The following PDE4B variants were observed in gnomAD, a reference collection of about 807,000 sequenced individuals.
The protein encoded by PDE4B is 3',5'-cyclic-AMP phosphodiesterase 4B.
PDE4B carries 20 observed loss-of-function variants against 82.2 expected under a neutral mutation model. The observed-to-expected ratio is 0.24, with a 90% CI of 0.17 to 0.35. PDE4B has a LOEUF of 0.35. Ranked by LOEUF, PDE4B falls within the 10% of genes least tolerant of loss-of-function variation. The pLI, the probability that PDE4B is intolerant of heterozygous loss-of-function variation, is 1.00. For synonymous variants in PDE4B, 320 were observed against 318.9 expected (o/e 1.00, Z -0.04); for missense variants, 655 against 907.2 (o/e 0.72, Z 3.57).
rs1557752727 is a variant in PDE4B at position 65,798,240 on chromosome 1, T to TGAACTCCTGACC, written c.-71+4992_-71+4993insGAACTCCTGACC. 5.7e-4 allele frequency among the ~76,000 whole-genome samples: 28 copies of TGAACTCCTGACC among 49,548 alleles called. 1 individual carries two copies. Among genetic ancestry groups the TGAACTCCTGACC allele is most frequent in the East Asian group, 3.8e-3 (2 of 524 alleles). The allele number at this position is 49,548 out of a possible 152,430, so 32.5% of individuals were successfully genotyped here. A position where few individuals can be genotyped will look rare whatever the true frequency, so the allele number is the denominator to read the frequency against. On this transcript the variant is annotated intron_variant, in intron 1 of 16. Coordinates refer to ENST00000341517, the MANE Select transcript of PDE4B (RefSeq NM_002600.4). Reference sequence around the variant, plus strand: ...TTCACCATGTTGGCCAGGCTAGTCTTTTTTTTTTTTTTTTTTTTTTTTTTT... The same window carrying TGAACTCCTGACC: ...TTCACCATGTTGGCCAGGCTAGTCTTGAACTCCTGACCTTTTTTTTTTTTTTTTTTTTTTTTT...
At chr1:66,251,990 C>T (rs573291733) in intron 4 of PDE4B, among the ~76,000 whole-genome samples, 46 of 151,968 alleles carry the variant, frequency 3.0e-4, no homozygotes, top group Non-Finnish European at 6.2e-4. Flanking sequence ...AGCTTAAAGG[C>T]TAGTACTCAA....
intron 3 of PDE4B, among the ~76,000 whole-genome samples, chr1:66,220,465 G>T (rs1650886085): frequency 6.6e-6 from 1 of 152,154 alleles, no homozygotes; most frequent in Non-Finnish European, 1.5e-5. Flanking sequence ...GGCTTTTAAT[G>T]TGGATATCAA....
intron 7 of PDE4B, among the ~76,000 whole-genome samples, chr1:66,290,154 T>C (rs1052841596): frequency 3.3e-5 from 5 of 152,086 alleles, no homozygotes; most frequent in African/African-American, 1.2e-4. Context: ...GAGAAAAGAT[T>C]AGGCAGAGAG....
At chr1:65,913,485 A>T in intron 2 of PDE4B, 129 bp downstream of exon 2, 1 of 815,802 alleles carries the variant, frequency 1.2e-6, no homozygotes, top group South Asian at 1.6e-5. Context: ...TGACATGGGC[A>T]CAGCCAGCAC....
intron 3 of PDE4B, among the ~76,000 whole-genome samples, chr1:66,101,197 T>A (rs1645216807): frequency 6.6e-6 from 1 of 152,194 alleles, no homozygotes; most frequent in African/African-American, 2.4e-5. Context: ...TTCCATGGTG[T>A]ATATGTGCCA....
rs956891904 is a variant in PDE4B, at chr1:66,234,883, A to G, written c.282-12577A>G. On this transcript the variant is annotated intron_variant, in intron 3 of 16. Coordinates refer to ENST00000341517, the MANE Select transcript of PDE4B (RefSeq NM_002600.4). The stretch of plus-strand genomic sequence containing the variant: ...GGAAGTCATTTTTTCTATTTTTTTA[A>G]TAAAGGTATTTTAGAGCTGTAGATT... Among the ~76,000 whole-genome samples the G allele has an allele frequency of 2.0e-5, 3 of 151,964 alleles. No homozygotes were observed. In the South Asian group the frequency reaches 6.2e-4, roughly 32 times the overall value.
intron 3 of PDE4B, among the ~76,000 whole-genome samples, chr1:66,088,426 T>C (rs1478599484): frequency 6.6e-6 from 1 of 152,040 alleles, no homozygotes. Flanking sequence ...TTTGGGAGCA[T>C]GGGGACTAAT....
In PDE4B at chr1:66,340,275, G is replaced by A. The variant is rs1034141965; in HGVS notation, c.747+7655G>A. Among the ~76,000 whole-genome samples, 53 of 152,166 alleles carry A rather than the reference G, an allele frequency of 3.5e-4. 1 individual carries two copies. The highest frequency in any genetic ancestry group is 1.2e-3 in the African/African-American group (48 of 41,438). On this transcript the variant is annotated intron_variant, in intron 8 of 16. Transcript: ENST00000341517. ...CTTCCTTTGTTTGATTGACTTTAAA[G>A]TAGCCAAGTGCTTCCACAAAGAAAG...
chr1:66,303,251 C>A (rs1658026410), intron 7 of PDE4B, among the ~76,000 whole-genome samples: 1 of 151,950 alleles, frequency 6.6e-6, no homozygotes, highest in African/African-American at 2.4e-5. Flanking sequence ...GAATTAGAAT[C>A]TCTTCCCCTA....
chr1:66,135,367 T>C (rs900184666), intron 3 of PDE4B, among the ~76,000 whole-genome samples: 1 of 152,214 alleles, frequency 6.6e-6, no homozygotes, highest in Non-Finnish European at 1.5e-5. Context: ...TGTCAGCAGT[T>C]AATTTGAGTT....
chr1:66,120,088 AC>A (rs1159439676), intron 3 of PDE4B, among the ~76,000 whole-genome samples: 3 of 152,188 alleles, frequency 2.0e-5, no homozygotes, highest in African/African-American at 7.2e-5. Context: ...AGTTTGTAGT[AC>A]TTTTTTACAA....
At chr1:65,922,972 T>C (rs1406483018) in intron 3 of PDE4B, among the ~76,000 whole-genome samples, 2 of 152,320 alleles carry the variant, frequency 1.3e-5, no homozygotes, top group African/African-American at 2.4e-5. Flanking sequence ...TCTCCCAATA[T>C]TGACCACTGC....
chr1:65,966,953 A>G (rs529681234), intron 3 of PDE4B, among the ~76,000 whole-genome samples: 2 of 152,296 alleles, frequency 1.3e-5, no homozygotes, highest in South Asian at 4.1e-4. Flanking sequence ...AACCTAGGCA[A>G]TACCATTCAG....
chr1:65,795,628 C>T (rs1040467685), intron 1 of PDE4B, among the ~76,000 whole-genome samples: 3 of 152,340 alleles, frequency 2.0e-5, no homozygotes, highest in South Asian at 4.1e-4. Context: ...CCCTTTCCAG[C>T]GCAGCTCACA....
chr1:65,932,444 C>T (rs1185844655), intron 3 of PDE4B, among the ~76,000 whole-genome samples: 5 of 151,944 alleles, frequency 3.3e-5, no homozygotes, highest in African/African-American at 9.7e-5. Context: ...GGAGAGGCCC[C>T]GAGAATCCAT....
intron 3 of PDE4B, among the ~76,000 whole-genome samples, chr1:66,045,724 C>T (rs138701901): frequency 1.1e-3 from 169 of 150,848 alleles, no homozygotes; most frequent in African/African-American, 4.0e-3. Context: ...ATGATATAGA[C>T]GAGATTCAAT....
intron 3 of PDE4B, among the ~76,000 whole-genome samples, chr1:66,003,851 G>A (rs1163008252): frequency 1.3e-5 from 2 of 152,122 alleles, no homozygotes; most frequent in Non-Finnish European, 2.9e-5. Flanking sequence ...AAATTCATAT[G>A]CAAATTTCAG....
chr1:66,107,868 C>T (rs1645401303), intron 3 of PDE4B, among the ~76,000 whole-genome samples: 1 of 151,620 alleles, frequency 6.6e-6, no homozygotes, highest in African/African-American at 2.4e-5. Flanking sequence ...AAGTATATGT[C>T]AATATAAAAC....
At chr1:66,069,888 A>G (rs1366320978) in intron 3 of PDE4B, among the ~76,000 whole-genome samples, 1 of 152,048 alleles carries the variant, frequency 6.6e-6, no homozygotes, top group Admixed American at 6.6e-5. Context: ...ATGATTACAA[A>G]AAATAAGATT....
Sources: allele counts gnomAD v4.1 joint callset (sites outside exome capture counted in the v4.1 genomes callset), GRCh38; gene constraint gnomAD v4.1.1; transcripts MANE v1.5; gene names NCBI Gene and HGNC (gene_info 2026-07-23, HGNC 2026-07-21).